The following APOO variants were observed in gnomAD, a reference collection of about 807,000 sequenced individuals.
APOO encodes the protein apolipoprotein O.
A neutral mutation model predicts 23.1 loss-of-function variants in APOO; 11 were observed. That is an observed-to-expected ratio of 0.48 (90% confidence interval 0.30 to 0.79). The LOEUF is 0.79. Among genes scored for constraint, APOO ranks in the 30% least tolerant of loss-of-function variants. The pLI, the probability that APOO is intolerant of heterozygous loss-of-function variation, is 0.07. For missense variants in APOO, 160 were observed against 142.7 expected (o/e 1.12, Z -0.62); for synonymous variants, 59 against 54.8 (o/e 1.08, Z -0.34).
intron 4 of APOO, among the ~76,000 whole-genome samples, chrX:23,870,901 C>T (rs1430743205): frequency 9.1e-6 from 1 of 110,437 alleles, no homozygotes; most frequent in Non-Finnish European, 1.9e-5. Flanking sequence ...CCAGCTTGAC[C>T]AACATGGTGA....
At chrX:23,849,234 G>A (rs149944802) in intron 7 of APOO, among the ~76,000 whole-genome samples, 55 of 108,694 alleles carry the variant, frequency 5.1e-4, no homozygotes, top group Middle Eastern at 9.4e-3. Context: ...CACTGCGCCC[G>A]GCCAATATCA....
intron 1 of APOO, among the ~76,000 whole-genome samples, chrX:23,906,639 T>G (rs1419628313): frequency 8.9e-6 from 1 of 112,933 alleles, no homozygotes; most frequent in East Asian, 2.7e-4. Context: ...AGGATCTGTC[T>G]TCCTGACTAA....
At chrX:23,841,270 G>A (rs1232553503) in intron 7 of APOO, among the ~76,000 whole-genome samples, 1 of 109,842 alleles carries the variant, frequency 9.1e-6, no homozygotes, top group African/African-American at 3.3e-5. Context: ...GCAACTTTGG[G>A]GCTCCCTGGA....
intron 8 of APOO, among the ~76,000 whole-genome samples, chrX:23,836,339 G>C (rs1366239869): frequency 9.2e-5 from 10 of 109,009 alleles, no homozygotes; most frequent in African/African-American, 3.0e-4. Context: ...TTTTGAGACA[G>C]AGTCTCACTC....
At chrX:23,893,856 G>A (rs1040488535) in intron 1 of APOO, among the ~76,000 whole-genome samples, 2 of 110,764 alleles carry the variant, frequency 1.8e-5, no homozygotes, top group African/African-American at 3.3e-5. Context: ...ATAGGCATGA[G>A]CCACCATGCC....
chrX:23,874,423 C>CT lies in APOO; in HGVS notation c.271dup (p.Ser91LysfsTer11). 8.3e-7 allele frequency: 1 copy of CT among 1,211,076 alleles called. No individual in the cohort carries two copies. Among genetic ancestry groups the CT allele is most frequent in the Non-Finnish European group, 1.1e-6 (1 of 894,876 alleles). On this transcript the variant is annotated frameshift_variant, in exon 4 of 9. Coordinates refer to ENST00000379226, the MANE Select transcript of APOO (RefSeq NM_024122.5). LOFTEE classifies it high-confidence loss of function. ...CTTACCTAACCCCCATTGAACCAAA[C>CT]TTTGCATCTTGGGCTTAGTTTGGGA...
intron 5 of APOO, among the ~76,000 whole-genome samples, chrX:23,865,738 C>A (rs760011289): frequency 9.0e-6 from 1 of 111,376 alleles, no homozygotes; most frequent in South Asian, 3.8e-4. Context: ...TATCACCCCA[C>A]TCATCTTGCT....
intron 3 of APOO, among the ~76,000 whole-genome samples, chrX:23,878,045 T>A (rs751522448): frequency 3.6e-5 from 4 of 111,849 alleles, no homozygotes; most frequent in Non-Finnish European, 5.6e-5. Flanking sequence ...CCAATCTGTA[T>A]ATGTAGTTCT....
Position 23,859,442 on chromosome X carries a change from A to G in APOO, c.389-709T>C, listed in dbSNP as rs1005136852. On this transcript the variant is annotated intron_variant, in intron 5 of 8. Coordinates refer to ENST00000379226, the MANE Select transcript of APOO (RefSeq NM_024122.5). ...CTCTATGTGTTTGCCTACTCTGGAT[A>G]TTTCTTTTTTTTTTTTTTGAGACAG... 7.6e-5 allele frequency among the ~76,000 whole-genome samples: 6 copies of G among 78,680 alleles called. No individual in the cohort carries two copies. The Admixed American group carries it at 7.8e-4, about 10-fold the overall frequency. The allele number at this position is 78,680 out of a possible 115,157, so 68.3% of individuals were successfully genotyped here.
chrX:23,901,204 T>C (rs544297085), intron 1 of APOO, among the ~76,000 whole-genome samples: 2 of 112,104 alleles, frequency 1.8e-5, no homozygotes, highest in South Asian at 7.4e-4. Context: ...CTCAGGCTCC[T>C]TGGTGTGGTG....
intron 7 of APOO, among the ~76,000 whole-genome samples, chrX:23,849,320 CA>C (rs1410854290): frequency 9.2e-6 from 1 of 108,763 alleles, no homozygotes; most frequent in Admixed American, 1.0e-4. Flanking sequence ...AAAAACAAAG[CA>C]AAAACCAGAC....
chrX:23,835,745 A>T (rs1465971707), intron 8 of APOO, among the ~76,000 whole-genome samples: 1 of 111,255 alleles, frequency 9.0e-6, no homozygotes, highest in Non-Finnish European at 1.9e-5. Context: ...AAATGAACCT[A>T]AGTCTAATTA....
chrX:23,839,347 T>G (rs1016631327), intron 8 of APOO, among the ~76,000 whole-genome samples: 1 of 111,754 alleles, frequency 8.9e-6, no homozygotes, highest in Non-Finnish European at 1.9e-5. Context: ...AGTGCTGGTG[T>G]AAAAGAAGGA....
At chrX:23,874,857 T>C (rs1925769073) in intron 3 of APOO, among the ~76,000 whole-genome samples, 1 of 112,291 alleles carries the variant, frequency 8.9e-6, no homozygotes, top group Non-Finnish European at 1.9e-5. Context: ...AGAGCCTACA[T>C]CTGGAAACTG....
chrX:23,869,738 T>C (rs1224456066), intron 4 of APOO, among the ~76,000 whole-genome samples: 2 of 99,866 alleles, frequency 2.0e-5, no homozygotes, highest in African/African-American at 7.6e-5. Context: ...GATCACGAGG[T>C]CAGGAGTTCG....
chrX:23,907,062 G>A (rs1260081598), intron 1 of APOO, among the ~76,000 whole-genome samples: 1 of 112,238 alleles, frequency 8.9e-6, no homozygotes, highest in Non-Finnish European at 1.9e-5. Flanking sequence ...GTAGAATAAT[G>A]GCTTTATGCT....
At chrX:23,890,524 A>G (rs1388350077) in intron 1 of APOO, among the ~76,000 whole-genome samples, 1 of 112,426 alleles carries the variant, frequency 8.9e-6, no homozygotes, top group Non-Finnish European at 1.9e-5. Flanking sequence ...ATGGTCTCAG[A>G]CTTACAAATG....
At chrX:23,859,954 A>G (rs775953196) in intron 5 of APOO, among the ~76,000 whole-genome samples, 1 of 111,566 alleles carries the variant, frequency 9.0e-6, no homozygotes, top group Admixed American at 9.6e-5. Context: ...ATAAATACTA[A>G]ACACAAGCGT....
chrX:23,880,163 A>G (rs1569239380), intron 2 of APOO, among the ~76,000 whole-genome samples: 1 of 110,709 alleles, frequency 9.0e-6, no homozygotes, highest in Non-Finnish European at 1.9e-5. Context: ...TAGAGAGGAA[A>G]AAATGTGAAT....
Sources: gnomAD v4.1 joint callset for allele counts (sites outside exome capture counted in the v4.1 genomes callset) on GRCh38, gnomAD v4.1.1 for gene constraint, MANE v1.5 for transcripts, NCBI Gene and HGNC (gene_info 2026-07-23, HGNC 2026-07-21) for gene names.